The following ZDHHC2 variants were observed in gnomAD, a reference collection of about 807,000 sequenced individuals.
ZDHHC2 encodes the protein palmitoyltransferase ZDHHC2.
ZDHHC2 carries 51 observed loss-of-function variants against 55.6 expected under a neutral mutation model. The observed-to-expected ratio is 0.92, with a 90% CI of 0.73 to 1.16. The LOEUF (loss-of-function observed/expected upper bound fraction) is 1.16, where lower values mean the gene tolerates loss of function less well. ZDHHC2 is among the 50% of genes most tolerant of loss of function. The pLI is 0.00. For missense variants in ZDHHC2, 491 were observed against 442.4 expected, an observed-to-expected ratio of 1.11 and a Z score of -0.99; for synonymous variants, 199 against 152.9, an observed-to-expected ratio of 1.30 and a Z score of -2.22.
intron 12 of ZDHHC2, among the ~76,000 whole-genome samples, chr8:17,218,226 C>G (rs918220639): frequency 2.6e-5 from 4 of 152,114 alleles, no homozygotes; most frequent in Non-Finnish European, 5.9e-5. Flanking sequence ...AAAATTTCAT[C>G]TGAATTTGAT....
chr8:17,199,589 T>TC (rs1563161574), intron 6 of ZDHHC2, among the ~76,000 whole-genome samples: 1 of 45,892 alleles, frequency 2.2e-5, no homozygotes, highest in Non-Finnish European at 8.6e-5. Flanking sequence ...CTTCTTCTTC[T>TC]TTCTTCTTCT....
At chr8:17,188,788 T>G (rs975066677) in intron 3 of ZDHHC2, among the ~76,000 whole-genome samples, 2 of 152,218 alleles carry the variant, frequency 1.3e-5, no homozygotes, top group Non-Finnish European at 2.9e-5. Flanking sequence ...AATTTCAGGT[T>G]CAACACAACT....
At chr8:17,204,910 G>C (rs1807020960) in intron 6 of ZDHHC2, among the ~76,000 whole-genome samples, 1 of 152,154 alleles carries the variant, frequency 6.6e-6, no homozygotes, top group South Asian at 2.1e-4. Context: ...TAGGTTTATT[G>C]ATACAATAGT....
At chr8:17,208,555 C>T (rs1264397195) in intron 8 of ZDHHC2, among the ~76,000 whole-genome samples, 1 of 152,004 alleles carries the variant, frequency 6.6e-6, no homozygotes, top group Non-Finnish European at 1.5e-5. Flanking sequence ...ACCAGGACCA[C>T]ACATGCTGAT....
intron 3 of ZDHHC2, among the ~76,000 whole-genome samples, chr8:17,194,234 G>C (rs1806189535): frequency 1.3e-5 from 2 of 151,714 alleles, no homozygotes; most frequent in South Asian, 2.1e-4. Flanking sequence ...ACATATGTGT[G>C]CCTCTGTCTT....
chr8:17,173,114 C>G (rs1335783726), intron 1 of ZDHHC2, among the ~76,000 whole-genome samples: 2 of 152,094 alleles, frequency 1.3e-5, no homozygotes, highest in East Asian at 3.9e-4. Context: ...AAGCACAGAC[C>G]AAGAACTGAG....
At chr8:17,209,559 T>G (rs531845150) in intron 8 of ZDHHC2, among the ~76,000 whole-genome samples, 1 of 152,294 alleles carries the variant, frequency 6.6e-6, no homozygotes, top group East Asian at 1.9e-4. Context: ...GATTGTGGTT[T>G]TCTTAAAAAA....
chr8:17,160,917 G>T (rs570043051), intron 1 of ZDHHC2, among the ~76,000 whole-genome samples: 3 of 152,304 alleles, frequency 2.0e-5, no homozygotes, highest in Non-Finnish European at 2.9e-5. Flanking sequence ...GCTGAGCTTT[G>T]GAGTATGTGG....
intron 1 of ZDHHC2, among the ~76,000 whole-genome samples, chr8:17,166,186 C>T (rs1189424408): frequency 6.6e-6 from 1 of 152,174 alleles, no homozygotes; most frequent in Non-Finnish European, 1.5e-5. Context: ...ACCTAGGCTA[C>T]TGCATCAATC....
intron 2 of ZDHHC2, among the ~76,000 whole-genome samples, chr8:17,185,217 A>G (rs143698091): frequency 6.6e-6 from 1 of 152,348 alleles, no homozygotes; most frequent in Admixed American, 6.5e-5. Context: ...ATTCTTTAGA[A>G]AAATTTAAAA....
intron 4 of ZDHHC2, 38 bp from the exon 5 acceptor site, chr8:17,197,544 T>C (rs1167706580): frequency 6.4e-7 from 1 of 1,556,648 alleles, no homozygotes; most frequent in Non-Finnish European, 8.8e-7. Flanking sequence ...TTCAATTCAG[T>C]GTTAACTCTA....
At chr8:17,166,777 C>T (rs988753847) in intron 1 of ZDHHC2, among the ~76,000 whole-genome samples, 2 of 152,160 alleles carry the variant, frequency 1.3e-5, no homozygotes, top group Non-Finnish European at 2.9e-5. Flanking sequence ...GAGGAATCAA[C>T]ATTGCCACAT....
intron 1 of ZDHHC2, among the ~76,000 whole-genome samples, chr8:17,173,862 A>T (rs1416031402): frequency 6.6e-6 from 1 of 152,122 alleles, no homozygotes; most frequent in Non-Finnish European, 1.5e-5. Flanking sequence ...ATTTATTTGG[A>T]GAAAGGGTCT....
intron 11 of ZDHHC2, among the ~76,000 whole-genome samples, chr8:17,215,748 A>G (rs745325992): frequency 5.3e-5 from 8 of 152,200 alleles, no homozygotes; most frequent in Non-Finnish European, 8.8e-5. Flanking sequence ...TTTCTGTCCA[A>G]TTTCAAAATG....
At chr8:17,157,139 C>A (rs1019304627) in intron 1 of ZDHHC2, among the ~76,000 whole-genome samples, 8 of 152,142 alleles carry the variant, frequency 5.3e-5, no homozygotes, top group Non-Finnish European at 4.4e-5. Context: ...CTCGGCCACA[C>A]CCCCTAGAGG....
intron 2 of ZDHHC2, among the ~76,000 whole-genome samples, 168 bp downstream of exon 2, chr8:17,184,983 C>T (rs527769419): frequency 7.9e-4 from 120 of 152,094 alleles, no homozygotes; most frequent in Non-Finnish European, 1.3e-3. Flanking sequence ...TCTGTCAGAC[C>T]CTTGGCAAAG....
intron 11 of ZDHHC2, among the ~76,000 whole-genome samples, chr8:17,216,669 G>C (rs1474708258): frequency 6.6e-6 from 1 of 152,182 alleles, no homozygotes; most frequent in African/African-American, 2.4e-5. Context: ...TAAAATAGCA[G>C]TGGTTTCTTG....
At chr8:17,196,916 A>C (rs546527834) in intron 4 of ZDHHC2, among the ~76,000 whole-genome samples, 4 of 152,166 alleles carry the variant, frequency 2.6e-5, no homozygotes, top group Non-Finnish European at 4.4e-5. Flanking sequence ...CTCAGAAAAA[A>C]AAAAAAAGAG....
chr8:17,178,460 C>T (rs1432951250), intron 1 of ZDHHC2, among the ~76,000 whole-genome samples: 1 of 152,096 alleles, frequency 6.6e-6, no homozygotes, highest in African/African-American at 2.4e-5. Context: ...ATACATAGGG[C>T]TGGAATACTT....
Sources: gnomAD v4.1 joint callset for allele counts (sites outside exome capture counted in the v4.1 genomes callset) on GRCh38, gnomAD v4.1.1 for gene constraint, MANE v1.5 for transcripts, NCBI Gene and HGNC (gene_info 2026-07-23, HGNC 2026-07-21) for gene names.